The following ERC1 variants were observed in gnomAD, a reference collection of about 807,000 sequenced individuals.
The protein encoded by ERC1 is ELKS/RAB6-interacting/CAST family member 1.
ERC1 carries 56 observed loss-of-function variants against 132.0 expected under a neutral mutation model. That is an observed-to-expected ratio of 0.42 (90% CI 0.34 to 0.53). The LOEUF (loss-of-function observed/expected upper bound fraction) is 0.53. Among genes scored for constraint, ERC1 ranks in the 20% least tolerant of loss-of-function variants. The probability of loss-of-function intolerance (pLI) is 0.03; values close to 1 mark genes in which losing one functional copy is unlikely to be tolerated. For synonymous variants in ERC1, 478 were observed against 476.1 expected (o/e 1.00, Z -0.05); for missense variants, 1,202 against 1,349.9 (o/e 0.89, Z 1.72).
intron 3 of ERC1, among the ~76,000 whole-genome samples, chr12:1,099,554 T>C (rs1328932776): frequency 6.6e-6 from 1 of 152,196 alleles, no homozygotes; most frequent in Non-Finnish European, 1.5e-5. Flanking sequence ...ATATTTTCTT[T>C]ATAACACTTT....
chr12:1,343,016 A>G (rs1268029570), intron 15 of ERC1, among the ~76,000 whole-genome samples: 2 of 152,210 alleles, frequency 1.3e-5, no homozygotes, highest in Non-Finnish European at 2.9e-5. Context: ...CCTGTCACTC[A>G]TGCGGTCCTC....
At chr12:1,477,772 C>T (rs1231746454) in intron 18 of ERC1, among the ~76,000 whole-genome samples, 1 of 152,182 alleles carries the variant, frequency 6.6e-6, no homozygotes, top group African/African-American at 2.4e-5. Context: ...TCCAGTCACT[C>T]CTCATCCTCC....
chr12:1,183,483 T>C, intron 11 of ERC1, 62 bp downstream of exon 11: 1 of 1,156,182 alleles, frequency 8.6e-7, no homozygotes, highest in South Asian at 2.1e-5. Context: ...TAGATAACCT[T>C]AGCATGTTTA....
intron 12 of ERC1, among the ~76,000 whole-genome samples, chr12:1,229,623 A>G (rs1195748432): frequency 6.6e-6 from 1 of 152,138 alleles, no homozygotes; most frequent in Non-Finnish European, 1.5e-5. Context: ...TTTTCATAAT[A>G]TTCTCCTTGT....
intron 1 of ERC1, among the ~76,000 whole-genome samples, chr12:994,839 G>A (rs898934222): frequency 2.6e-5 from 4 of 152,146 alleles, no homozygotes; most frequent in African/African-American, 9.7e-5. Flanking sequence ...GCTCACGCCT[G>A]TAATCCCAGC....
intron 15 of ERC1, among the ~76,000 whole-genome samples, chr12:1,309,293 C>G (rs1056840535): frequency 1.3e-5 from 2 of 152,200 alleles, no homozygotes; most frequent in African/African-American, 2.4e-5. Flanking sequence ...AATTTGCACA[C>G]TGTCTGACAG....
At chr12:1,395,233 A>C (rs556190744) in intron 16 of ERC1, among the ~76,000 whole-genome samples, 57 of 152,338 alleles carry the variant, frequency 3.7e-4, no homozygotes, top group Admixed American at 9.1e-4. Context: ...ATTATAGGCA[A>C]ATTGGCCCAA....
intron 3 of ERC1, among the ~76,000 whole-genome samples, chr12:1,102,227 T>A (rs1331796268): frequency 1.3e-5 from 2 of 152,166 alleles, no homozygotes; most frequent in Non-Finnish European, 2.9e-5. Context: ...ATTTGCTATT[T>A]TAGATCGTAT....
chr12:1,220,819 C>T (rs1029948801), intron 12 of ERC1, among the ~76,000 whole-genome samples: 1 of 152,220 alleles, frequency 6.6e-6, no homozygotes, highest in Non-Finnish European at 1.5e-5. Flanking sequence ...GGCGGTGGCC[C>T]TCATTACCTG....
chr12:1,417,334 T>C (rs2154397766), intron 17 of ERC1, among the ~76,000 whole-genome samples: 1 of 152,228 alleles, frequency 6.6e-6, no homozygotes, highest in South Asian at 2.1e-4. Flanking sequence ...TTGCATACCA[T>C]ACTCAGCAGG....
At position 1,405,243 on chromosome 12, in the gene ERC1, G is replaced by A. The variant is rs896198230; in HGVS notation, c.2926-2906G>A. ...ATTCAGACCATAGCAAAGGTCTCTGGGGGTCCTCCCAGAAAAGAGAAATTT... is the reference window on the plus strand; with the variant it reads ...ATTCAGACCATAGCAAAGGTCTCTGAGGGTCCTCCCAGAAAAGAGAAATTT... On this transcript the variant is annotated intron_variant, in intron 16 of 18. Coordinates refer to ENST00000360905, the MANE Select transcript of ERC1 (RefSeq NM_178040.4). 1.2e-4 allele frequency among the ~76,000 whole-genome samples: 18 copies of A among 149,664 alleles called. No homozygotes were observed. The South Asian group carries it at 3.6e-3, about 30-fold the overall frequency.
rs202128997 is a variant in ERC1, at chr12:1,369,902, A to G, written c.2781-1931A>G. 9.8e-5 allele frequency among the ~76,000 whole-genome samples: 15 copies of G among 152,328 alleles called. No individual in the cohort carries two copies. The East Asian group carries it at 2.9e-3, about 29-fold the overall frequency. ...GAGTACACATCTTCTATTTGTTAGTATTGCTTTCAGAGTTGAGTAGACCTA... is the reference window on the plus strand; with the variant it reads ...GAGTACACATCTTCTATTTGTTAGTGTTGCTTTCAGAGTTGAGTAGACCTA... On this transcript the variant is annotated intron_variant, in intron 15 of 18. Transcript: ENST00000360905.
intron 17 of ERC1, among the ~76,000 whole-genome samples, chr12:1,409,163 GTATAGTCCTATT>G (rs1240763240): frequency 1.3e-5 from 2 of 152,226 alleles, no homozygotes; most frequent in Non-Finnish European, 2.9e-5. Context: ...GATTCGGAAG[GTATAGTCCTATT>G]ATGATGACGT....
chr12:1,303,998 G>C (rs2080636220), intron 15 of ERC1, among the ~76,000 whole-genome samples: 1 of 150,190 alleles, frequency 6.7e-6, no homozygotes, highest in African/African-American at 2.5e-5. Context: ...TCCAAGGTTT[G>C]ATATATATCT....
chr12:1,118,974 T>A (rs557064017), intron 7 of ERC1, among the ~76,000 whole-genome samples: 146 of 152,326 alleles, frequency 9.6e-4, no homozygotes, highest in Non-Finnish European at 1.9e-3. Context: ...ACTCCTGGGA[T>A]CAAACGCTTC....
intron 1 of ERC1, among the ~76,000 whole-genome samples, chr12:1,021,153 C>G (rs1303434115): frequency 6.6e-6 from 1 of 151,894 alleles, no homozygotes; most frequent in African/African-American, 2.4e-5. Flanking sequence ...GTTGGCCAAA[C>G]TGGTCTCAAA....
intron 12 of ERC1, 151 bp downstream of exon 12, chr12:1,190,203 G>GT (rs766662074): frequency 1.3e-6 from 1 of 789,120 alleles, no homozygotes; most frequent in Admixed American, 1.7e-5. Flanking sequence ...TTCTAGGTCA[G>GT]TTGTACGTTC....
chr12:1,197,210 G>A (rs755249105), intron 12 of ERC1, among the ~76,000 whole-genome samples: 4 of 151,606 alleles, frequency 2.6e-5, no homozygotes, highest in Non-Finnish European at 4.4e-5. Context: ...CGAACTCCTG[G>A]CCTCAAGTGA....
At chr12:1,286,679 A>C (rs951623292) in intron 14 of ERC1, among the ~76,000 whole-genome samples, 1 of 152,196 alleles carries the variant, frequency 6.6e-6, no homozygotes, top group Admixed American at 6.5e-5. Flanking sequence ...AGTAAACTTC[A>C]AAATCTGTCA....
Sources: gnomAD v4.1 joint callset for allele counts (sites outside exome capture counted in the v4.1 genomes callset) on GRCh38, gnomAD v4.1.1 for gene constraint, MANE v1.5 for transcripts, NCBI Gene and HGNC (gene_info 2026-07-23, HGNC 2026-07-21) for gene names.